DLG2: variants seen among roughly 807,000 people sequenced by gnomAD.
The protein encoded by DLG2 is disks large homolog 2.
A neutral mutation model predicts 132.5 loss-of-function variants in DLG2; 45 were observed. That is an observed-to-expected ratio of 0.34 (90% CI 0.27 to 0.44). DLG2 has a LOEUF of 0.44. Among genes scored for constraint, DLG2 ranks in the 20% least tolerant of loss-of-function variants. The pLI is 1.00. For missense variants in DLG2, 1,045 were observed against 1,196.9 expected, an observed-to-expected ratio of 0.87 and a Z score of 1.87; for synonymous variants, 424 against 419.6, an observed-to-expected ratio of 1.01 and a Z score of -0.13.
At chr11:84,351,747 T>C (rs1389872037) in intron 7 of DLG2, among the ~76,000 whole-genome samples, 2 of 152,226 alleles carry the variant, frequency 1.3e-5, no homozygotes, top group South Asian at 2.1e-4. Flanking sequence ...ATTCCAATTC[T>C]TGGCATGAGG....
chr11:85,397,371 T>C (rs1049980512), intron 3 of DLG2, among the ~76,000 whole-genome samples: 5 of 152,096 alleles, frequency 3.3e-5, no homozygotes, highest in African/African-American at 1.2e-4. Context: ...CTGCATCAAT[T>C]AACGGGCAAA....
At chr11:84,154,827 C>A (rs1337710457) in intron 9 of DLG2, among the ~76,000 whole-genome samples, 3 of 152,160 alleles carry the variant, frequency 2.0e-5, no homozygotes, top group Non-Finnish European at 2.9e-5. Flanking sequence ...AGGACATGAA[C>A]TCATCCTTTT....
chr11:83,694,502 A>T (rs1392929930), intron 18 of DLG2, among the ~76,000 whole-genome samples: 2 of 152,174 alleles, frequency 1.3e-5, no homozygotes, highest in African/African-American at 2.4e-5. Flanking sequence ...TCCAGATAGC[A>T]ACCATATCTT....
intron 5 of DLG2, among the ~76,000 whole-genome samples, chr11:85,154,159 A>C (rs1003105608): frequency 6.6e-6 from 1 of 150,446 alleles, no homozygotes; most frequent in Non-Finnish European, 1.5e-5. Context: ...AAAAAAAAAA[A>C]AACAGTCTCA....
intron 6 of DLG2, among the ~76,000 whole-genome samples, chr11:84,861,640 C>CAAAAAAAAAAAAAAAAAAAAAAAAA (rs1248486704): frequency 2.6e-5 from 2 of 75,664 alleles, no homozygotes; most frequent in African/African-American, 6.1e-5. Flanking sequence ...AAAAAAAAAA[C>CAAAAAAAAAAAAAAAAAAAAAAAAA]AAAAAAAAAA....
intron 6 of DLG2, among the ~76,000 whole-genome samples, chr11:84,545,966 G>A (rs540093821): frequency 6.6e-6 from 1 of 152,176 alleles, no homozygotes; most frequent in East Asian, 1.9e-4. Context: ...ATGTTGGCCA[G>A]GCTGGTCTTG....
intron 3 of DLG2, among the ~76,000 whole-genome samples, chr11:85,470,247 A>G (rs1056464612): frequency 1.3e-5 from 2 of 151,558 alleles, no homozygotes; most frequent in African/African-American, 4.8e-5. Flanking sequence ...CCAATCATTT[A>G]AAATAGAAAA....
intron 6 of DLG2, among the ~76,000 whole-genome samples, chr11:84,712,575 T>C (rs2060568911): frequency 6.6e-6 from 1 of 152,062 alleles, no homozygotes; most frequent in African/African-American, 2.4e-5. Flanking sequence ...TACTGATAGG[T>C]GAATTTCAAA....
intron 7 of DLG2, chr11:84,316,737 T>G (rs958276019): frequency 3.6e-6 from 5 of 1,396,050 alleles, no homozygotes; most frequent in Non-Finnish European, 4.8e-6. Context: ...CGTGGTACTC[T>G]GCAAAGTTTC....
At chr11:85,188,077 C>G (rs1312127863) in intron 4 of DLG2, among the ~76,000 whole-genome samples, 1 of 152,076 alleles carries the variant, frequency 6.6e-6, no homozygotes, top group Admixed American at 6.6e-5. Context: ...TCCACAAGCG[C>G]AGAGGAGACA....
At chr11:83,470,675 C>A (rs962559621) in intron 24 of DLG2, among the ~76,000 whole-genome samples, 1 of 152,130 alleles carries the variant, frequency 6.6e-6, no homozygotes, top group African/African-American at 2.4e-5. Context: ...TTCCCAGAGC[C>A]CTTGCTGGGA....
chr11:85,071,123 T>C (rs1181496906), intron 6 of DLG2, among the ~76,000 whole-genome samples: 1 of 151,904 alleles, frequency 6.6e-6, no homozygotes, highest in East Asian at 1.9e-4. Flanking sequence ...AATGAATTCA[T>C]CTATATAAAG....
intron 6 of DLG2, among the ~76,000 whole-genome samples, chr11:85,067,428 T>C (rs182034534): frequency 0.01 from 1,537 of 152,044 alleles, 8 homozygotes; most frequent in Non-Finnish European, 0.014. Context: ...TTCTTTTAAT[T>C]GTGATGTTAG....
chr11:84,373,426 C>A (rs543131658), intron 7 of DLG2, among the ~76,000 whole-genome samples: 2 of 151,740 alleles, frequency 1.3e-5, no homozygotes, highest in South Asian at 4.2e-4. Context: ...AAAAATTAGC[C>A]GGGCATGATG....
At chr11:83,965,014 T>G (rs372305688) in intron 13 of DLG2, among the ~76,000 whole-genome samples, 59 of 152,044 alleles carry the variant, frequency 3.9e-4, no homozygotes, top group Middle Eastern at 3.4e-3. Flanking sequence ...GGCATGAGAG[T>G]GATCATGCTT....
intron 6 of DLG2, among the ~76,000 whole-genome samples, chr11:84,780,340 T>C (rs1463831911): frequency 6.6e-6 from 1 of 151,726 alleles, no homozygotes; most frequent in African/African-American, 2.4e-5. Flanking sequence ...GACTTCATGA[T>C]AAAAAAATTA....
In DLG2 at chr11:83,458,362, C is replaced by T. The variant is rs571854483; in HGVS notation, c.*1456G>A. 2 of 152,656 alleles carry T rather than the reference C, an allele frequency of 1.3e-5. No homozygotes were observed. The highest frequency in any genetic ancestry group is 4.2e-4 in the South Asian group (2 of 4,814). The allele number at this position is 152,656 out of a possible 1,614,324, so 9.5% of individuals were successfully genotyped here. A position where few individuals can be genotyped will look rare whatever the true frequency, so the allele number is the denominator to read the frequency against. Reference sequence around the variant, plus strand: ...TAATTGTTAAAAAATAAACTTGGTCCAGGTGCAGCTCCAAGAAAGGCAGTT... The same window carrying T: ...TAATTGTTAAAAAATAAACTTGGTCTAGGTGCAGCTCCAAGAAAGGCAGTT... On this transcript the variant is annotated 3_prime_UTR_variant, in exon 28 of 28. Coordinates refer to ENST00000376104, the MANE Select transcript of DLG2 (RefSeq NM_001142699.3).
At chr11:85,475,423 C>T (rs1413414900) in intron 3 of DLG2, among the ~76,000 whole-genome samples, 2 of 151,940 alleles carry the variant, frequency 1.3e-5, no homozygotes, top group African/African-American at 2.4e-5. Flanking sequence ...AAAAAATAAA[C>T]ATTATATGCC....
chr11:85,286,617 G>C (rs1370264483), intron 3 of DLG2, among the ~76,000 whole-genome samples: 1 of 152,008 alleles, frequency 6.6e-6, no homozygotes, highest in Non-Finnish European at 1.5e-5. Context: ...AGAGCTACAG[G>C]ATAGAGAGAT....
Sources: allele counts gnomAD v4.1 joint callset (sites outside exome capture counted in the v4.1 genomes callset), GRCh38; gene constraint gnomAD v4.1.1; transcripts MANE v1.5; gene names NCBI Gene and HGNC (gene_info 2026-07-23, HGNC 2026-07-21).